The following NCKAP5 variants were observed in gnomAD, a reference collection of about 807,000 sequenced individuals.
The protein encoded by NCKAP5 is NCK associated protein 5, also known as nck-associated protein 5.
In NCKAP5, 92 loss-of-function variants were observed where a neutral mutation model predicts 167.0. That is an observed-to-expected ratio of 0.55 (90% CI 0.47 to 0.66). The LOEUF (loss-of-function observed/expected upper bound fraction) is 0.66. Among genes scored for constraint, NCKAP5 ranks in the 30% least tolerant of loss-of-function variants. The pLI, the probability that NCKAP5 is intolerant of heterozygous loss-of-function variation, is 0.00. For missense variants in NCKAP5, 2,378 were observed against 2,315.0 expected (o/e 1.03, Z -0.56); for synonymous variants, 891 against 877.4 (o/e 1.02, Z -0.27).
chr2:133,001,946 G>C (rs960800933), intron 6 of NCKAP5, among the ~76,000 whole-genome samples: 2 of 152,122 alleles, frequency 1.3e-5, no homozygotes, highest in Non-Finnish European at 2.9e-5. Flanking sequence ...AAGTGTAGGC[G>C]TCGTATTAGG....
chr2:132,738,497 C>T (rs567527658), intron 16 of NCKAP5, among the ~76,000 whole-genome samples: 4 of 152,214 alleles, frequency 2.6e-5, no homozygotes, highest in Non-Finnish European at 5.9e-5. Flanking sequence ...TAAAGAGTCA[C>T]GTTCCTGGGG....
chr2:133,601,197 C>T, the NCKAP5 span, among the ~76,000 whole-genome samples: 2 of 152,184 alleles, frequency 1.3e-5, no homozygotes, highest in Non-Finnish European at 2.9e-5. Flanking sequence ...GACAGAGAAC[C>T]ATCTTTGGAT....
chr2:132,868,422 T>G (rs1021759508), intron 10 of NCKAP5, among the ~76,000 whole-genome samples: 3 of 152,208 alleles, frequency 2.0e-5, no homozygotes, highest in Non-Finnish European at 4.4e-5. Context: ...TTATTTTATA[T>G]GTACCACAAA....
At chr2:133,178,241 G>C (rs2084554879) in intron 5 of NCKAP5, among the ~76,000 whole-genome samples, 1 of 152,174 alleles carries the variant, frequency 6.6e-6, no homozygotes, top group Admixed American at 6.5e-5. Flanking sequence ...GCTCATGCCT[G>C]TAATCCCAGC....
intron 8 of NCKAP5, among the ~76,000 whole-genome samples, chr2:132,961,190 T>C (rs1265554250): frequency 6.6e-6 from 1 of 152,000 alleles, no homozygotes; most frequent in African/African-American, 2.4e-5. Flanking sequence ...CCTACAATAA[T>C]GTTTAACCCA....
At chr2:133,280,598 G>C (rs1277112967) in intron 4 of NCKAP5, among the ~76,000 whole-genome samples, 1 of 152,076 alleles carries the variant, frequency 6.6e-6, no homozygotes, top group Non-Finnish European at 1.5e-5. Flanking sequence ...ATGGGCACAG[G>C]AAATCAAATT....
the NCKAP5 span, among the ~76,000 whole-genome samples, chr2:133,630,777 C>T: frequency 3.2e-3 from 481 of 152,194 alleles, 5 homozygotes; most frequent in African/African-American, 0.011. Flanking sequence ...CCAGATCATC[C>T]GGCCTTAGCA....
intron 13 of NCKAP5, among the ~76,000 whole-genome samples, chr2:132,786,389 G>T (rs933263686): frequency 6.6e-6 from 1 of 152,166 alleles, no homozygotes; most frequent in East Asian, 1.9e-4. Context: ...AACTTTATTT[G>T]GTAGACAATA....
At chr2:133,057,268 T>A (rs577348665) in intron 6 of NCKAP5, among the ~76,000 whole-genome samples, 3 of 152,310 alleles carry the variant, frequency 2.0e-5, no homozygotes, top group African/African-American at 7.2e-5. Flanking sequence ...CAATAGCCTC[T>A]AGGTCTTCAA....
intron 7 of NCKAP5, among the ~76,000 whole-genome samples, chr2:132,982,762 T>C (rs1233992407): frequency 6.6e-6 from 1 of 152,198 alleles, no homozygotes; most frequent in Non-Finnish European, 1.5e-5. Context: ...CAACATGTGG[T>C]ATTTTGTTTT....
At chr2:132,872,272 G>C (rs886363464) in intron 9 of NCKAP5, among the ~76,000 whole-genome samples, 2 of 152,192 alleles carry the variant, frequency 1.3e-5, no homozygotes, top group Non-Finnish European at 2.9e-5. Context: ...ATGCCAAGGA[G>C]AGCGCCTGAG....
intron 2 of NCKAP5, among the ~76,000 whole-genome samples, chr2:133,557,863 A>G (rs1687854327): frequency 6.6e-6 from 1 of 152,212 alleles, no homozygotes; most frequent in African/African-American, 2.4e-5. Context: ...CATGCAGCCC[A>G]GCCCTGAGCC....
At chr2:132,893,323 C>T (rs73956078) in intron 8 of NCKAP5, among the ~76,000 whole-genome samples, 2,207 of 152,244 alleles carry the variant, frequency 0.014, 58 homozygotes, top group African/African-American at 0.05. Context: ...CTGTAGGTAC[C>T]CGCAAACACA....
intron 19 of NCKAP5, among the ~76,000 whole-genome samples, chr2:132,697,823 G>T (rs1384184181): frequency 2.0e-5 from 3 of 152,066 alleles, no homozygotes; most frequent in Non-Finnish European, 4.4e-5. Context: ...AGTCTTTTTG[G>T]TTTTCAAATT....
chr2:133,058,509 A>G (rs1559096627), intron 6 of NCKAP5, among the ~76,000 whole-genome samples: 1 of 152,236 alleles, frequency 6.6e-6, no homozygotes, highest in Non-Finnish European at 1.5e-5. Context: ...GAGGGGTACA[A>G]ACCTTCAGTG....
intron 3 of NCKAP5, among the ~76,000 whole-genome samples, chr2:133,390,351 GT>G (rs1450399413): frequency 6.6e-6 from 1 of 152,156 alleles, no homozygotes; most frequent in Non-Finnish European, 1.5e-5. Flanking sequence ...TGACTCTCCT[GT>G]TGAATGTGGC....
intron 3 of NCKAP5, among the ~76,000 whole-genome samples, chr2:133,354,967 A>G (rs1413801809): frequency 6.6e-6 from 1 of 152,240 alleles, no homozygotes; most frequent in Non-Finnish European, 1.5e-5. Flanking sequence ...GTGGAATAAA[A>G]TATTTACACT....
At chr2:132,809,738 G>A (rs536440807) in intron 11 of NCKAP5, among the ~76,000 whole-genome samples, 1 of 152,270 alleles carries the variant, frequency 6.6e-6, no homozygotes, top group African/African-American at 2.4e-5. Context: ...TCTTTTAAGT[G>A]GAGCATTTAG....
At chr2:132,781,537 T>C (rs1390436536) in intron 14 of NCKAP5, among the ~76,000 whole-genome samples, 1 of 152,194 alleles carries the variant, frequency 6.6e-6, no homozygotes, top group Non-Finnish European at 1.5e-5. Flanking sequence ...AGAAATATAA[T>C]TATTTCTGGA....
Sources: gnomAD v4.1 joint callset for allele counts (sites outside exome capture counted in the v4.1 genomes callset) on GRCh38, gnomAD v4.1.1 for gene constraint, MANE v1.5 for transcripts, NCBI Gene and HGNC (gene_info 2026-07-23, HGNC 2026-07-21) for gene names.